Variants in DNAH11 observed in about 807,000 individuals in gnomAD.
DNAH11 encodes dynein axonemal heavy chain 11.
Under a neutral mutation model 526.0 loss-of-function variants are expected in DNAH11, and 442 were observed. That is an observed-to-expected ratio of 0.84 (90% confidence interval 0.78 to 0.91). DNAH11 has a LOEUF of 0.91. Ranked by LOEUF, DNAH11 falls within the 40% of genes least tolerant of loss-of-function variation. The pLI is 0.00. For missense variants in DNAH11, 6,989 were observed against 5,448.7 expected (o/e 1.28, Z -8.90); for synonymous variants, 2,461 against 1,935.9 (o/e 1.27, Z -7.12).
intron 6 of DNAH11, among the ~76,000 whole-genome samples, chr7:21,565,906 C>G (rs1377470867): frequency 1.3e-5 from 2 of 152,162 alleles, no homozygotes; most frequent in African/African-American, 4.8e-5. Flanking sequence ...TTACCATCAT[C>G]TCCTCTGGTT....
At chr7:21,792,890 T>G (rs1053188877) in intron 61 of DNAH11, among the ~76,000 whole-genome samples, 1 of 152,168 alleles carries the variant, frequency 6.6e-6, no homozygotes, top group African/African-American at 2.4e-5. Flanking sequence ...ATGCTCTGAT[T>G]TTTCTTATTT....
chr7:21,606,286 G>A (rs576770583), intron 18 of DNAH11, 140 bp from the exon 19 acceptor site: 15 of 683,542 alleles, frequency 2.2e-5, no homozygotes, highest in Middle Eastern at 4.1e-4. Context: ...TCATGCCAGT[G>A]CACTCCAGCC....
Position 21,564,225 on chromosome 7 carries a change from C to T in DNAH11, c.1022C>T (p.Pro341Leu). ...EAQDVELYLR[P>L]LRRHIQCLQE... is the part of the protein sequence containing the mutation. ...CAAGATGTGGAACTTTACCTGAGACCTCTGAGGAGACACATCCAGTGTCTC... is the reference window on the plus strand; with the variant it reads ...CAAGATGTGGAACTTTACCTGAGACTTCTGAGGAGACACATCCAGTGTCTC... The change falls in exon 6 of 82, where the codon CCT (proline) becomes CTT (leucine). Residue 341 changes from proline to leucine, a missense_variant. Physicochemically the swap from Pro to Leu is moderately conservative, Grantham distance 98 (BLOSUM62 -3). Coordinates refer to ENST00000409508, the MANE Select transcript of DNAH11 (RefSeq NM_001277115.2). 1 of 1,611,692 alleles carries T rather than the reference C, an allele frequency of 6.2e-7. No individual in the cohort carries two copies. Among genetic ancestry groups the T allele is most frequent in the Non-Finnish European group, 8.5e-7 (1 of 1,178,760 alleles).
chr7:21,699,113 A>T (rs957319961), intron 36 of DNAH11, among the ~76,000 whole-genome samples: 1 of 152,170 alleles, frequency 6.6e-6, no homozygotes, highest in African/African-American at 2.4e-5. Context: ...TTCTAATAAG[A>T]TAGGGCAGGA....
chr7:21,601,647 T>A, intron 18 of DNAH11, 29 bp downstream of exon 18: 1 of 1,471,940 alleles, frequency 6.8e-7, no homozygotes, highest in Non-Finnish European at 9.1e-7. Flanking sequence ...TAATCATAAT[T>A]ACCATAAATT....
chr7:21,576,005 G>T (rs1327971957), intron 8 of DNAH11, among the ~76,000 whole-genome samples: 1 of 152,170 alleles, frequency 6.6e-6, no homozygotes, highest in African/African-American at 2.4e-5. Flanking sequence ...CTTCTGGAAA[G>T]AGGGAGATGT....
At chr7:21,565,639 T>C (rs561402282) in intron 6 of DNAH11, among the ~76,000 whole-genome samples, 3 of 152,304 alleles carry the variant, frequency 2.0e-5, no homozygotes, top group Non-Finnish European at 2.9e-5. Context: ...CCAACCTGGA[T>C]TGAAATCTAA....
intron 66 of DNAH11, 129 bp from the exon 67 acceptor site, chr7:21,852,338 C>A: frequency 1.2e-6 from 1 of 862,540 alleles, no homozygotes; most frequent in Non-Finnish European, 1.7e-6. Flanking sequence ...ACCCAGGAGG[C>A]ACACGTCGCA....
chr7:21,789,240 G>A lies in DNAH11; in HGVS notation c.9925-1G>A. The A allele has an allele frequency of 6.4e-7, 1 of 1,561,590 alleles. No homozygotes were observed. The highest frequency in any genetic ancestry group is 8.7e-7 in the Non-Finnish European group (1 of 1,151,408). On this transcript the variant is annotated splice_acceptor_variant, in intron 60 of 81. Transcript: ENST00000409508. LOFTEE classifies it high-confidence loss of function. ...ATCTGTATTAATTCATGAATTTTCA[G>A]GTCTACTGTGATGTGGAGCCAAAAC...
intron 34 of DNAH11, among the ~76,000 whole-genome samples, 159 bp downstream of exon 34, chr7:21,687,686 T>C (rs1030929285): frequency 9.9e-5 from 15 of 152,236 alleles, no homozygotes; most frequent in African/African-American, 2.9e-4. Flanking sequence ...TAGTCTCCCA[T>C]TTTTATTAGT....
chr7:21,591,532 C>T lies in DNAH11; in HGVS notation c.2622C>T (p.Tyr874=). 1 of 1,592,572 alleles carries T rather than the reference C, an allele frequency of 6.3e-7. No homozygotes were observed. Among genetic ancestry groups the T allele is most frequent in the South Asian group, 1.1e-5 (1 of 88,726 alleles). Residue 874 remains tyrosine (Y), a synonymous_variant, in exon 14 of 82, where the codon TAC becomes TAT. Transcript: ENST00000409508. ...AGGGTGATTTGTTTACAAAAAAATACAAGTTAATCCAAGGAGATGGCTGCA... is the reference window on the plus strand; with the variant it reads ...AGGGTGATTTGTTTACAAAAAAATATAAGTTAATCCAAGGAGATGGCTGCA... ...EDKGDLFTKK[Y]KLIQGDGCKI... is the part of the protein sequence containing the mutation.
intron 55 of DNAH11, among the ~76,000 whole-genome samples, chr7:21,767,018 C>T (rs954861364): frequency 6.6e-6 from 1 of 152,122 alleles, no homozygotes; most frequent in Non-Finnish European, 1.5e-5. Flanking sequence ...CTGCCAGAAA[C>T]ATTTTGTACT....
intron 8 of DNAH11, among the ~76,000 whole-genome samples, chr7:21,574,425 T>C (rs1175442084): frequency 6.6e-6 from 1 of 152,108 alleles, no homozygotes; most frequent in Non-Finnish European, 1.5e-5. Context: ...CAGAGAGTGG[T>C]CCCGCAGGCA....
chr7:21,791,065 A>G (rs1384449649), intron 61 of DNAH11, among the ~76,000 whole-genome samples: 1 of 152,132 alleles, frequency 6.6e-6, no homozygotes, highest in Non-Finnish European at 1.5e-5. Flanking sequence ...AGGGAGAGAG[A>G]TTACGTTCAA....
chr7:21,694,566 G>A (rs578175889), intron 35 of DNAH11, among the ~76,000 whole-genome samples: 7 of 152,128 alleles, frequency 4.6e-5, no homozygotes, highest in Non-Finnish European at 1.0e-4. Context: ...TCCATGGTGT[G>A]TATGTGCCAC....
intron 81 of DNAH11, among the ~76,000 whole-genome samples, chr7:21,900,577 C>CA (rs1431656338): frequency 1.3e-5 from 2 of 152,152 alleles, no homozygotes; most frequent in Non-Finnish European, 2.9e-5. Context: ...TTTATCTGGC[C>CA]ATGCATTTAT....
chr7:21,705,948 T>G (rs1351024453), intron 39 of DNAH11, among the ~76,000 whole-genome samples: 1 of 152,202 alleles, frequency 6.6e-6, no homozygotes, highest in Admixed American at 6.5e-5. Context: ...GAAGATTGGA[T>G]TGGCTCTAGC....
intron 59 of DNAH11, 116 bp from the exon 60 acceptor site, chr7:21,787,285 A>C: frequency 1.1e-6 from 1 of 940,098 alleles, no homozygotes; most frequent in Admixed American, 2.8e-5. Flanking sequence ...GGATAAATGC[A>C]GCTTGCCAAT....
chr7:21,861,927 C>G lies in DNAH11; in HGVS notation c.11277C>G (p.Ile3759Met), dbSNP rs202148932. 1,116 of 1,613,490 alleles carry G rather than the reference C, an allele frequency of 6.9e-4. 1 individual carries two copies. Among genetic ancestry groups the G allele is most frequent in the Non-Finnish European group, 8.7e-4 (1,029 of 1,179,760 alleles). ...KVEDMQGRIS[I>M]LMESITHAVF... The stretch of plus-strand genomic sequence containing the variant: ...AAGACATGCAGGGACGCATCTCTAT[C>G]CTGATGGAGAGCATCACCCATGCTG... The change falls in exon 69 of 82, where the codon ATC becomes ATG. Residue 3759 changes from isoleucine to methionine, a missense_variant. Coordinates refer to ENST00000409508, the MANE Select transcript of DNAH11 (RefSeq NM_001277115.2).
Sources: allele counts gnomAD v4.1 joint callset (sites outside exome capture counted in the v4.1 genomes callset), GRCh38; gene constraint gnomAD v4.1.1; transcripts MANE v1.5; gene names NCBI Gene and HGNC (gene_info 2026-07-23, HGNC 2026-07-21).